FAM227B: variants seen among roughly 807,000 people sequenced by gnomAD.
The protein encoded by FAM227B is family with sequence similarity 227 member B.
FAM227B carries 88 observed loss-of-function variants against 73.8 expected under a neutral mutation model. That is an observed-to-expected ratio of 1.19 (90% confidence interval 1.00 to 1.42). The LOEUF (loss-of-function observed/expected upper bound fraction) is 1.42, where lower values mean the gene tolerates loss of function less well. FAM227B is among the 40% of genes most tolerant of loss of function. The probability of loss-of-function intolerance (pLI) is 0.00; values close to 1 mark genes in which losing one functional copy is unlikely to be tolerated. For missense variants in FAM227B, 632 were observed against 590.9 expected (o/e 1.07, Z -0.72); for synonymous variants, 210 against 190.5 (o/e 1.10, Z -0.84).
rs1265375257 is a variant in FAM227B at position 49,489,822 on chromosome 15, TTATATATATATATATATTTTA to T, written c.1012+18368_1012+18388del. On this transcript the variant is annotated intron_variant, in intron 11 of 15. Coordinates refer to ENST00000299338, the MANE Select transcript of FAM227B (RefSeq NM_152647.3). ...TATATTTTATATATATATATATATT[TTATATATATATATATATTTTA>T]TATATATATATATATTTTATATATA... Among the ~76,000 whole-genome samples the T allele has an allele frequency of 3.7e-3, 121 of 32,342 alleles. 11 individuals are homozygous for T. Among genetic ancestry groups the T allele is most frequent in the Middle Eastern group, 0.014 (1 of 74 alleles). 21.2% of individuals were successfully genotyped at this position (32,342 alleles called of 152,430 possible).
intron 3 of FAM227B, among the ~76,000 whole-genome samples, chr15:49,596,936 A>G (rs1049411945): frequency 3.3e-5 from 5 of 152,046 alleles, no homozygotes; most frequent in African/African-American, 1.2e-4. Context: ...TCCTAAATAT[A>G]TATGCACCTA....
intron 3 of FAM227B, among the ~76,000 whole-genome samples, chr15:49,590,496 G>A (rs1479852181): frequency 6.6e-6 from 1 of 152,032 alleles, no homozygotes; most frequent in Non-Finnish European, 1.5e-5. Flanking sequence ...AAGGGAAGGG[G>A]GAAGATTAGA....
intron 11 of FAM227B, among the ~76,000 whole-genome samples, chr15:49,497,302 T>C (rs2057708697): frequency 6.6e-6 from 1 of 152,216 alleles, no homozygotes; most frequent in Admixed American, 6.5e-5. Context: ...ATACATGATC[T>C]GAATCTTATG....
intron 4 of FAM227B, among the ~76,000 whole-genome samples, chr15:49,589,542 T>TACAC (rs35391819): frequency 0.15 from 21,517 of 139,630 alleles, 1,773 homozygotes; most frequent in Non-Finnish European, 0.19. Context: ...TTTATGAGAT[T>TACAC]ACACACACAC....
At chr15:49,472,309 G>A (rs1309776559) in intron 11 of FAM227B, among the ~76,000 whole-genome samples, 4 of 152,146 alleles carry the variant, frequency 2.6e-5, no homozygotes, top group African/African-American at 4.8e-5. Context: ...TTAGCTCACC[G>A]TTCCATAATC....
intron 9 of FAM227B, among the ~76,000 whole-genome samples, chr15:49,544,516 T>A (rs1019856310): frequency 5.3e-5 from 8 of 152,154 alleles, no homozygotes; most frequent in Admixed American, 4.6e-4. Context: ...TCTTCTTTGA[T>A]TGCTCTGGCT....
At chr15:49,577,741 C>T in intron 5 of FAM227B, 77 bp from the exon 6 acceptor site, 1 of 821,446 alleles carries the variant, frequency 1.2e-6, no homozygotes, top group Non-Finnish European at 1.9e-6. Context: ...GTTCAGTTAA[C>T]TAGTATGCAT....
intron 11 of FAM227B, among the ~76,000 whole-genome samples, chr15:49,478,134 T>C (rs2055534874): frequency 6.6e-6 from 1 of 152,146 alleles, no homozygotes; most frequent in South Asian, 2.1e-4. Context: ...AAGTACCCAG[T>C]GTTTAGCTCC....
intron 10 of FAM227B, among the ~76,000 whole-genome samples, chr15:49,533,663 T>C (rs1401559958): frequency 6.6e-6 from 1 of 151,858 alleles, no homozygotes; most frequent in Non-Finnish European, 1.5e-5. Context: ...TGTTTTAATG[T>C]CCATTTTATC....
In FAM227B at chr15:49,538,607, T is replaced by C. The variant is rs7171109; in HGVS notation, c.874+3073A>G. On this transcript the variant is annotated intron_variant, in intron 10 of 15. Transcript: ENST00000299338. ...AAGGTTGCAATGTAAAATTTAACTC[T>C]TTTAATGGTTTCCTATAAACCCTGT... 2.2e-3 allele frequency among the ~76,000 whole-genome samples: 337 copies of C among 152,278 alleles called. 2 individuals are homozygous for C. Among genetic ancestry groups the C allele is most frequent in the African/African-American group, 7.8e-3 (323 of 41,552 alleles).
At chr15:49,492,095 A>T (rs1414010057) in intron 11 of FAM227B, among the ~76,000 whole-genome samples, 3 of 151,932 alleles carry the variant, frequency 2.0e-5, no homozygotes, top group Non-Finnish European at 4.4e-5. Context: ...AGTCCTTTAG[A>T]ATCTGTTTTT....
chr15:49,493,350 T>C (rs1419307984), intron 11 of FAM227B, among the ~76,000 whole-genome samples: 1 of 152,036 alleles, frequency 6.6e-6, no homozygotes, highest in Non-Finnish European at 1.5e-5. Flanking sequence ...TCCATCCATC[T>C]GGTCCAATCT....
intron 11 of FAM227B, among the ~76,000 whole-genome samples, chr15:49,416,900 G>A (rs1216145995): frequency 6.6e-6 from 1 of 152,026 alleles, no homozygotes; most frequent in African/African-American, 2.4e-5. Flanking sequence ...TGACACAAAT[G>A]CATGGAAAAA....
intron 13 of FAM227B, among the ~76,000 whole-genome samples, chr15:49,363,688 C>G (rs948245925): frequency 1.3e-5 from 2 of 152,086 alleles, no homozygotes; most frequent in Non-Finnish European, 2.9e-5. Flanking sequence ...GAGTGGGTAT[C>G]CTTGTCTTGT....
intron 13 of FAM227B, chr15:49,366,106 A>C (rs993903190): frequency 1.1e-5 from 10 of 939,968 alleles, no homozygotes; most frequent in Non-Finnish European, 1.6e-5. Context: ...TTTCCAATTC[A>C]ACTAGTCCAC....
At chr15:49,550,567 G>C (rs1041266947) in intron 9 of FAM227B, among the ~76,000 whole-genome samples, 5 of 151,362 alleles carry the variant, frequency 3.3e-5, no homozygotes, top group Non-Finnish European at 7.4e-5. Context: ...TTCTCAGACG[G>C]GGCGGCTGGG....
At chr15:49,364,183 G>A (rs979607093) in intron 13 of FAM227B, among the ~76,000 whole-genome samples, 1 of 152,140 alleles carries the variant, frequency 6.6e-6, no homozygotes, top group Non-Finnish European at 1.5e-5. Context: ...GTTTCAGTAG[G>A]AATGGTACCA....
At chr15:49,592,836 G>A (rs1006120770) in intron 3 of FAM227B, among the ~76,000 whole-genome samples, 4 of 152,174 alleles carry the variant, frequency 2.6e-5, no homozygotes, top group African/African-American at 9.7e-5. Flanking sequence ...GAGCTGCAGT[G>A]GGCTCCACCC....
intron 11 of FAM227B, among the ~76,000 whole-genome samples, chr15:49,507,883 G>A (rs2058697004): frequency 6.6e-6 from 1 of 151,522 alleles, no homozygotes; most frequent in African/African-American, 2.4e-5. Flanking sequence ...AAACCCTAAA[G>A]AAAACATAAT....
Sources: allele counts gnomAD v4.1 joint callset (sites outside exome capture counted in the v4.1 genomes callset), GRCh38; gene constraint gnomAD v4.1.1; transcripts MANE v1.5; gene names NCBI Gene and HGNC (gene_info 2026-07-23, HGNC 2026-07-21).